TAFA1: variants seen among roughly 807,000 people sequenced by gnomAD.
TAFA1 encodes TAFA chemokine like family member 1.
In TAFA1, 4 loss-of-function variants were observed where a neutral mutation model predicts 18.5. That is an observed-to-expected ratio of 0.22 (90% CI 0.11 to 0.49). The LOEUF (loss-of-function observed/expected upper bound fraction) is 0.49, where lower values mean the gene tolerates loss of function less well. TAFA1 is among the 20% of genes least tolerant of loss of function. The pLI is 0.98. For synonymous variants in TAFA1, 56 were observed against 55.2 expected (o/e 1.01, Z -0.06); for missense variants, 147 against 169.0 (o/e 0.87, Z 0.72).
chr3:68,251,385 C>CACTT, intron 2 of TAFA1, among the ~76,000 whole-genome samples: 1 of 152,330 alleles, frequency 6.6e-6, no homozygotes, highest in South Asian at 2.1e-4. Flanking sequence ...TATCTACATG[C>CACTT]CACTTCTCTG....
intron 2 of TAFA1, among the ~76,000 whole-genome samples, chr3:68,091,438 C>T (rs527437735): frequency 6.6e-6 from 1 of 152,214 alleles, no homozygotes; most frequent in South Asian, 2.1e-4. Flanking sequence ...TAATATTTAA[C>T]TTAATTATCA....
chr3:68,219,789 A>G (rs1459688808), intron 2 of TAFA1, among the ~76,000 whole-genome samples: 1 of 152,122 alleles, frequency 6.6e-6, no homozygotes, highest in Admixed American at 6.5e-5. Flanking sequence ...CACTCAAGGG[A>G]AAGAGATTTT....
chr3:68,067,955 A>C (rs1205590424), intron 2 of TAFA1, among the ~76,000 whole-genome samples: 1 of 152,110 alleles, frequency 6.6e-6, no homozygotes, highest in South Asian at 2.1e-4. Context: ...AACAAAAAAC[A>C]AAAAACAAAA....
intron 2 of TAFA1, among the ~76,000 whole-genome samples, chr3:68,175,356 G>A (rs772108223): frequency 4.6e-5 from 7 of 152,178 alleles, no homozygotes; most frequent in Non-Finnish European, 7.3e-5. Flanking sequence ...CCATATACCT[G>A]GAAAAGCCTC....
chr3:68,213,051 G>A (rs556485325), intron 2 of TAFA1, among the ~76,000 whole-genome samples: 7 of 151,532 alleles, frequency 4.6e-5, no homozygotes, highest in African/African-American at 1.7e-4. Context: ...TTTAGAGAGA[G>A]TAAAAACATA....
chr3:68,166,734 C>T (rs2065985770), intron 2 of TAFA1, among the ~76,000 whole-genome samples: 2 of 152,092 alleles, frequency 1.3e-5, no homozygotes, highest in Admixed American at 1.3e-4. Context: ...TACAGAGGTG[C>T]CAATTTAATC....
chr3:68,404,897 A>G (rs143359024), intron 2 of TAFA1, among the ~76,000 whole-genome samples: 1 of 151,648 alleles, frequency 6.6e-6, no homozygotes, highest in Non-Finnish European at 1.5e-5. Context: ...CCTAAAGTGG[A>G]CAGTATTTTA....
chr3:68,283,441 T>A (rs141414592), intron 2 of TAFA1, among the ~76,000 whole-genome samples: 69 of 152,360 alleles, frequency 4.5e-4, no homozygotes, highest in African/African-American at 1.6e-3. Context: ...AATTTATGCA[T>A]AATTTTTATA....
At chr3:68,389,700 A>G (rs1291171792) in intron 2 of TAFA1, among the ~76,000 whole-genome samples, 4 of 152,060 alleles carry the variant, frequency 2.6e-5, no homozygotes, top group South Asian at 2.1e-4. Context: ...AGTGGGCGCA[A>G]CCCACAGAGG....
At chr3:68,526,632 G>A (rs1019636782) in intron 3 of TAFA1, among the ~76,000 whole-genome samples, 2 of 152,058 alleles carry the variant, frequency 1.3e-5, no homozygotes, top group Admixed American at 1.3e-4. Flanking sequence ...AGCAATTCCA[G>A]CAAAAACTAT....
intron 2 of TAFA1, among the ~76,000 whole-genome samples, chr3:68,255,008 A>G (rs531599326): frequency 3.9e-5 from 6 of 152,192 alleles, no homozygotes; most frequent in Non-Finnish European, 7.4e-5. Flanking sequence ...GTAATGAATT[A>G]CTTGTCACTC....
At chr3:68,164,806 T>TTA (rs1345428816) in intron 2 of TAFA1, among the ~76,000 whole-genome samples, 1 of 152,210 alleles carries the variant, frequency 6.6e-6, no homozygotes, top group Non-Finnish European at 1.5e-5. Flanking sequence ...GTAACTGAAT[T>TTA]TATTCCTTTC....
chr3:68,226,587 A>T (rs1343588715), intron 2 of TAFA1, among the ~76,000 whole-genome samples: 1 of 151,996 alleles, frequency 6.6e-6, no homozygotes, highest in African/African-American at 2.4e-5. Flanking sequence ...GAATGGGGAG[A>T]GGCAGCCTCA....
chr3:68,259,548 A>G (rs2067367912), intron 2 of TAFA1, among the ~76,000 whole-genome samples: 1 of 152,050 alleles, frequency 6.6e-6, no homozygotes, highest in South Asian at 2.1e-4. Context: ...TTTTCACGAT[A>G]TTGATTATTC....
At chr3:68,172,424 C>T (rs2066067552) in intron 2 of TAFA1, among the ~76,000 whole-genome samples, 2 of 152,120 alleles carry the variant, frequency 1.3e-5, no homozygotes. Context: ...AACTGGAACC[C>T]TCATGCATGC....
At chr3:68,451,979 C>T (rs543425225) in intron 3 of TAFA1, among the ~76,000 whole-genome samples, 9 of 151,988 alleles carry the variant, frequency 5.9e-5, no homozygotes, top group Admixed American at 3.9e-4. Context: ...AGGATGGAAC[C>T]GTGAAGGAAT....
intron 2 of TAFA1, among the ~76,000 whole-genome samples, chr3:68,268,641 CAG>C (rs2067595101): frequency 6.6e-6 from 1 of 152,076 alleles, no homozygotes; most frequent in Non-Finnish European, 1.5e-5. Context: ...ACAGGGAAAA[CAG>C]GGTCAAACGA....
intron 2 of TAFA1, among the ~76,000 whole-genome samples, chr3:68,308,926 G>T (rs1341342388): frequency 6.6e-6 from 1 of 152,020 alleles, no homozygotes; most frequent in Non-Finnish European, 1.5e-5. Flanking sequence ...CCTTCCTACT[G>T]CTCCAATCTT....
chr3:68,292,217 C>G (rs544521214), intron 2 of TAFA1, among the ~76,000 whole-genome samples: 4 of 151,998 alleles, frequency 2.6e-5, no homozygotes, highest in African/African-American at 9.7e-5. Flanking sequence ...TGTGTCTTAT[C>G]TACCCAGAGA....
Sources: allele counts gnomAD v4.1 joint callset (sites outside exome capture counted in the v4.1 genomes callset), GRCh38; gene constraint gnomAD v4.1.1; transcripts MANE v1.5; gene names NCBI Gene and HGNC (gene_info 2026-07-23, HGNC 2026-07-21).